TUBA1A: variants seen among roughly 807,000 people sequenced by gnomAD.
TUBA1A encodes the protein tubulin alpha-1A chain.
A neutral mutation model predicts 34.6 loss-of-function variants in TUBA1A; 7 were observed. The observed-to-expected ratio is 0.20, with a 90% CI of 0.11 to 0.38. TUBA1A has a LOEUF of 0.38. Ranked by LOEUF, TUBA1A falls within the 10% of genes least tolerant of loss-of-function variation. TUBA1A has a pLI of 1.00. For missense variants in TUBA1A, 19 were observed against 581.3 expected (o/e 0.03, Z 9.95); for synonymous variants, 193 against 210.2 (o/e 0.92, Z 0.71).
In TUBA1A at chr12:49,186,927, G is replaced by C; in HGVS notation, c.4-94C>G. On this transcript the variant is annotated intron_variant, in intron 1 of 3. Coordinates refer to ENST00000301071, the MANE Select transcript of TUBA1A (RefSeq NM_006009.4). This position sits in a 1 kb window ranked among gnomAD's most constrained non-coding sequence, Gnocchi z 6.6. The stretch of plus-strand genomic sequence containing the variant: ...TCAAAAATATTTCTAATAATATACA[G>C]ATATTTTTCTAAATTATTTGAGGTC... The C allele has an allele frequency of 6.5e-7, 1 of 1,541,966 alleles. No homozygotes were observed. The highest frequency in any genetic ancestry group is 8.7e-7 in the Non-Finnish European group (1 of 1,147,250).
In TUBA1A at chr12:49,188,882, A is replaced by G; in HGVS notation, c.3+95T>C. ...AACATACCACCACCCTCGCCCAGAG[A>G]GCTTACGAAAGAAAAGAGCTTAAAG... On this transcript the variant is annotated intron_variant, in intron 1 of 3. Coordinates refer to ENST00000301071, the MANE Select transcript of TUBA1A (RefSeq NM_006009.4). The surrounding 1 kb of genome is among the most constrained non-coding windows in gnomAD (Gnocchi z 4.9). 2 of 1,613,326 alleles carry G rather than the reference A, an allele frequency of 1.2e-6. No individual in the cohort carries two copies. Among genetic ancestry groups the G allele is most frequent in the Non-Finnish European group, 1.7e-6 (2 of 1,179,972 alleles).
At position 49,186,488 on chromosome 12, in the gene TUBA1A, G is replaced by GGGA. The variant is rs763578910; in HGVS notation, c.227-33_227-31dup. ...AGAACATGATGGGGGAGGAGCAGGGGGGAGGAGGAGGAGGGACGAGGAGCG... is the reference window on the plus strand; with the variant it reads ...AGAACATGATGGGGGAGGAGCAGGGGGGAGGAGGAGGAGGAGGGACGAGGAGCG... On this transcript the variant is annotated intron_variant, in intron 2 of 3. Coordinates refer to ENST00000301071, the MANE Select transcript of TUBA1A (RefSeq NM_006009.4). The surrounding 1 kb of genome is among the most constrained non-coding windows in gnomAD (Gnocchi z 6.6). 7 of 1,612,674 alleles carry GGGA rather than the reference G, an allele frequency of 4.3e-6. No individual in the cohort carries two copies. The highest frequency in any genetic ancestry group is 5.9e-6 in the Non-Finnish European group (7 of 1,179,140).
Position 49,186,262 on chromosome 12 carries a change from G to A in TUBA1A, c.375+48C>T, listed in dbSNP as rs376352006. 6.2e-6 allele frequency: 10 copies of A among 1,612,058 alleles called. No individual in the cohort carries two copies. In the African/African-American group the frequency reaches 6.7e-5, roughly 11 times the overall value. On this transcript the variant is annotated intron_variant, in intron 3 of 3. Transcript: ENST00000301071. This position sits in a 1 kb window ranked among gnomAD's most constrained non-coding sequence, Gnocchi z 6.6. ...TGAAAAAAAAAGCATTATTTCAAAT[G>A]TGTTCTTTAGGCTCATTAATTTACT... is the stretch of plus-strand genomic sequence containing the variant.
chr12:49,188,865 A>G lies in TUBA1A; in HGVS notation c.3+112T>C. 1 of 1,611,260 alleles carries G rather than the reference A, an allele frequency of 6.2e-7. No homozygotes were observed. On this transcript the variant is annotated intron_variant, in intron 1 of 3. Coordinates refer to ENST00000301071, the MANE Select transcript of TUBA1A (RefSeq NM_006009.4). The surrounding 1 kb of genome is among the most constrained non-coding windows in gnomAD (Gnocchi z 4.9). Reference sequence around the variant, plus strand: ...TAAGCTAAACCTCACAAAACATACCACCACCCTCGCCCAGAGAGCTTACGA... The same window carrying G: ...TAAGCTAAACCTCACAAAACATACCGCCACCCTCGCCCAGAGAGCTTACGA...
chr12:49,186,070 T>C lies in TUBA1A; in HGVS notation c.376-80A>G. The stretch of plus-strand genomic sequence containing the variant: ...AATCATAGTAAATATATTTTCACTT[T>C]TCATACATCTTCCAGGACTTAGATC... On this transcript the variant is annotated intron_variant, in intron 3 of 3. Coordinates refer to ENST00000301071, the MANE Select transcript of TUBA1A (RefSeq NM_006009.4). This position sits in a 1 kb window ranked among gnomAD's most constrained non-coding sequence, Gnocchi z 6.6. 3 of 1,575,816 alleles carry C rather than the reference T, an allele frequency of 1.9e-6. No individual in the cohort carries two copies. The African/African-American group carries it at 4.1e-5, about 21-fold the overall frequency.
chr12:49,187,362 G>A (rs999995643), intron 1 of TUBA1A: 1 of 1,027,056 alleles, frequency 9.7e-7, no homozygotes, highest in African/African-American at 1.7e-5. Flanking sequence ...TTGCTGCATT[G>A]CTGTATTTGC....
Position 49,184,830 on chromosome 12 carries a change from AT to A in TUBA1A, c.*179del. The stretch of plus-strand genomic sequence containing the variant: ...ACAGGGAATACTTTATTCAAAACCC[AT>A]CACAGAAATGGACAGCTTGGGTCTG... On this transcript the variant is annotated 3_prime_UTR_variant, in exon 4 of 4. Coordinates refer to ENST00000301071, the MANE Select transcript of TUBA1A (RefSeq NM_006009.4). 1.0e-6 allele frequency: 1 copy of A among 993,456 alleles called. No homozygotes were observed. The highest frequency in any genetic ancestry group is 1.5e-5 in the South Asian group (1 of 67,224). 61.5% of individuals were successfully genotyped at this position (993,456 alleles called of 1,614,324 possible). A position where few individuals can be genotyped will look rare whatever the true frequency, so the allele number is the denominator to read the frequency against.
chr12:49,188,668 C>A lies in TUBA1A; in HGVS notation c.3+309G>T, dbSNP rs1942214058. On this transcript the variant is annotated intron_variant, in intron 1 of 3. Transcript: ENST00000301071. This position sits in a 1 kb window ranked among gnomAD's most constrained non-coding sequence, Gnocchi z 4.9. Reference sequence around the variant, plus strand: ...CGGGGCCCAGCCGGGACGCCCCAGACCCCTCGGTCGCGGCAGACGGGCTGC... The same window carrying A: ...CGGGGCCCAGCCGGGACGCCCCAGAACCCTCGGTCGCGGCAGACGGGCTGC... 3 of 1,438,516 alleles carry A rather than the reference C, an allele frequency of 2.1e-6. No homozygotes were observed. In the Admixed American group the frequency reaches 8.6e-5, roughly 41 times the overall value. The allele number at this position is 1,438,516 out of a possible 1,614,324, so 89.1% of individuals were successfully genotyped here.
At chr12:49,187,879 C>G (rs190694515) in intron 1 of TUBA1A, 3 of 834,164 alleles carry the variant, frequency 3.6e-6, no homozygotes, top group East Asian at 1.6e-4. Flanking sequence ...CTACCACTTT[C>G]ATTGTCTATT....
rs61730859 is a variant in TUBA1A, at chr12:49,185,844, C to T, written c.522G>A (p.Ala174=). 6.9e-3 allele frequency: 11,181 copies of T among 1,610,752 alleles called. 332 individuals carry two copies. In the African/African-American group the frequency reaches 0.085, roughly 12 times the overall value. The change falls in exon 4 of 4, where the codon GCG becomes GCA. Residue 174 remains alanine (A), a synonymous_variant. Coordinates refer to ENST00000301071, the MANE Select transcript of TUBA1A (RefSeq NM_006009.4). ...KSKLEFSIYP[A]PQVSTAVVEP... Reference sequence around the variant, plus strand: ...CAACTACAGCTGTGGAAACCTGGGGCGCCGGGTAAATAGAGAACTCCAGCT... The same window carrying T: ...CAACTACAGCTGTGGAAACCTGGGGTGCCGGGTAAATAGAGAACTCCAGCT...
At chr12:49,187,522 T>G (rs1942195398) in intron 1 of TUBA1A, 1 of 985,508 alleles carries the variant, frequency 1.0e-6, no homozygotes, top group Admixed American at 6.1e-5. Context: ...TGAAATGAAT[T>G]AATTAAGATG....
rs1044820882 is a variant in TUBA1A, at chr12:49,188,688, G to A, written c.3+289C>T. On this transcript the variant is annotated intron_variant, in intron 1 of 3. Transcript: ENST00000301071. The surrounding 1 kb of genome is among the most constrained non-coding windows in gnomAD (Gnocchi z 4.9). Reference sequence around the variant, plus strand: ...CCAGACCCCTCGGTCGCGGCAGACGGGCTGCCCGCGGCCCCCGAAAGTCTC... The same window carrying A: ...CCAGACCCCTCGGTCGCGGCAGACGAGCTGCCCGCGGCCCCCGAAAGTCTC... 1.4e-6 allele frequency: 2 copies of A among 1,437,670 alleles called. No homozygotes were observed. Among genetic ancestry groups the A allele is most frequent in the Middle Eastern group, 2.6e-4 (1 of 3,890 alleles). The allele number at this position is 1,437,670 out of a possible 1,614,324, so 89.1% of individuals were successfully genotyped here. A position where few individuals can be genotyped will look rare whatever the true frequency, so the allele number is the denominator to read the frequency against.
Position 49,188,733 on chromosome 12 carries a change from A to C in TUBA1A, c.3+244T>G. ...AGTCTCTCGGATAACACAGGCGCCT[A>C]GGCGCCGCCTTTGTTCCTCCCCAGC... On this transcript the variant is annotated intron_variant, in intron 1 of 3. Coordinates refer to ENST00000301071, the MANE Select transcript of TUBA1A (RefSeq NM_006009.4). The surrounding 1 kb of genome is among the most constrained non-coding windows in gnomAD (Gnocchi z 4.9). 1 of 1,456,410 alleles carries C rather than the reference A, an allele frequency of 6.9e-7. No individual in the cohort carries two copies. Among genetic ancestry groups the C allele is most frequent in the Non-Finnish European group, 9.0e-7 (1 of 1,113,852 alleles). The allele number at this position is 1,456,410 out of a possible 1,614,324, so 90.2% of individuals were successfully genotyped here. A position where few individuals can be genotyped will look rare whatever the true frequency, so the allele number is the denominator to read the frequency against.
Position 49,188,863 on chromosome 12 carries a change from C to T in TUBA1A, c.3+114G>A. On this transcript the variant is annotated intron_variant, in intron 1 of 3. Coordinates refer to ENST00000301071, the MANE Select transcript of TUBA1A (RefSeq NM_006009.4). This position sits in a 1 kb window ranked among gnomAD's most constrained non-coding sequence, Gnocchi z 4.9. ...GCTAAGCTAAACCTCACAAAACATA[C>T]CACCACCCTCGCCCAGAGAGCTTAC... The T allele has an allele frequency of 6.2e-7, 1 of 1,611,158 alleles. No individual in the cohort carries two copies. Among genetic ancestry groups the T allele is most frequent in the Non-Finnish European group, 8.5e-7 (1 of 1,179,854 alleles).
Position 49,188,343 on chromosome 12 carries a change from A to C in TUBA1A, c.3+634T>G. On this transcript the variant is annotated intron_variant, in intron 1 of 3. Coordinates refer to ENST00000301071, the MANE Select transcript of TUBA1A (RefSeq NM_006009.4). This position sits in a 1 kb window ranked among gnomAD's most constrained non-coding sequence, Gnocchi z 4.9. ...CCCCGCCCAGTGGCTCCAACGCCAT[A>C]GAAGCCAGAAACAAACAACCCCGCC... is the stretch of plus-strand genomic sequence containing the variant. The C allele has an allele frequency of 3.3e-6, 5 of 1,529,816 alleles. No homozygotes were observed. The highest frequency in any genetic ancestry group is 4.4e-6 in the Non-Finnish European group (5 of 1,142,324). The allele number at this position is 1,529,816 out of a possible 1,614,324, so 94.8% of individuals were successfully genotyped here.
Position 49,184,928 on chromosome 12 carries a change from T to G in TUBA1A, c.*82A>C. 1 of 1,609,558 alleles carries G rather than the reference T, an allele frequency of 6.2e-7. No individual in the cohort carries two copies. The highest frequency in any genetic ancestry group is 8.5e-7 in the Non-Finnish European group (1 of 1,176,682). On this transcript the variant is annotated 3_prime_UTR_variant, in exon 4 of 4. Coordinates refer to ENST00000301071, the MANE Select transcript of TUBA1A (RefSeq NM_006009.4). Reference sequence around the variant, plus strand: ...AGAGCATACACTGCTACATACAAATTAACTGATCAGACCACAACTTTTCAA... The same window carrying G: ...AGAGCATACACTGCTACATACAAATGAACTGATCAGACCACAACTTTTCAA...
At chr12:49,187,890 C>T in intron 1 of TUBA1A, 1 of 787,936 alleles carries the variant, frequency 1.3e-6, no homozygotes, top group Non-Finnish European at 1.5e-6. Context: ...ATTGTCTATT[C>T]GCTGATGTGG....
In TUBA1A at chr12:49,188,718, A is replaced by G; in HGVS notation, c.3+259T>C. 1.4e-6 allele frequency: 2 copies of G among 1,445,554 alleles called. No individual in the cohort carries two copies. The highest frequency in any genetic ancestry group is 1.8e-6 in the Non-Finnish European group (2 of 1,107,804). The allele number at this position is 1,445,554 out of a possible 1,614,324, so 89.5% of individuals were successfully genotyped here. A position where few individuals can be genotyped will look rare whatever the true frequency, so the allele number is the denominator to read the frequency against. On this transcript the variant is annotated intron_variant, in intron 1 of 3. Coordinates refer to ENST00000301071, the MANE Select transcript of TUBA1A (RefSeq NM_006009.4). The surrounding 1 kb of genome is among the most constrained non-coding windows in gnomAD (Gnocchi z 4.9). Reference sequence around the variant, plus strand: ...CCCGCGGCCCCCGAAAGTCTCTCGGATAACACAGGCGCCTAGGCGCCGCCT... The same window carrying G: ...CCCGCGGCCCCCGAAAGTCTCTCGGGTAACACAGGCGCCTAGGCGCCGCCT...
chr12:49,185,043 T>G lies in TUBA1A; in HGVS notation c.1323A>C (p.Glu441Asp). ...CCTCTCCTTCTTCCTCACCCTCTCC[T>G]TCAACAGAATCCACACCAACCTCCT... ...DYEEVGVDSVEGEGEEEGEEY is the reference protein window; with the variant it reads ...DYEEVGVDSVDGEGEEEGEEY Residue 441 changes from glutamate (E) to aspartate (D), a missense_variant, in exon 4 of 4, where the codon GAA becomes GAC. Glu to Asp is a conservative substitution (Grantham distance 45, BLOSUM62 2). This residue lies in a region of TUBA1A where 5 missense variants were observed against 16.2 expected (regional missense o/e 0.31). Transcript: ENST00000301071. The G allele has an allele frequency of 6.2e-7, 1 of 1,614,192 alleles. No individual in the cohort carries two copies. Among genetic ancestry groups the G allele is most frequent in the South Asian group, 1.1e-5 (1 of 91,080 alleles).
Sources: allele counts gnomAD v4.1 joint callset, GRCh38; gene constraint gnomAD v4.1.1; regional missense constraint gnomAD v4.1.1; non-coding constraint Gnocchi (gnomAD v3.1); transcripts MANE v1.5; gene names NCBI Gene and HGNC (gene_info 2026-07-23, HGNC 2026-07-21).